BMP5: variants seen among roughly 807,000 people sequenced by gnomAD.
The protein encoded by BMP5 is bone morphogenetic protein 5.
Under a neutral mutation model 46.6 loss-of-function variants are expected in BMP5, and 23 were observed. The observed-to-expected ratio is 0.49, with a 90% CI of 0.35 to 0.70. The LOEUF is 0.70. Ranked by LOEUF, BMP5 falls within the 30% of genes least tolerant of loss-of-function variation. The pLI is 0.00. For synonymous variants in BMP5, 204 were observed against 191.9 expected (o/e 1.06, Z -0.52); for missense variants, 545 against 565.6 (o/e 0.96, Z 0.37).
chr6:55,794,656 A>T (rs989092692), intron 2 of BMP5, among the ~76,000 whole-genome samples: 1 of 152,144 alleles, frequency 6.6e-6, no homozygotes, highest in African/African-American at 2.4e-5. Flanking sequence ...AGTAATTTCC[A>T]TTTTCCTGCT....
At position 55,759,098 on chromosome 6, in the gene BMP5, T is replaced by G; in HGVS notation, c.1122A>C (p.Pro374=). Residue 374 remains proline (P), a synonymous_variant, in exon 6 of 7, where the codon CCA becomes CCC. Coordinates refer to ENST00000370830, the MANE Select transcript of BMP5 (RefSeq NM_021073.4). ...CACAATAAAATGCAGCGTATCCTTC[T>G]GGTGCTATAATCCAGTCCTGACACA... ...DLGWQDWIIA[P]EGYAAFYCDG... 3.3e-6 allele frequency: 5 copies of G among 1,495,494 alleles called. No individual in the cohort carries two copies. The highest frequency in any genetic ancestry group is 4.5e-6 in the Non-Finnish European group (5 of 1,117,296). 92.6% of individuals were successfully genotyped at this position (1,495,494 alleles called of 1,614,324 possible). A position where few individuals can be genotyped will look rare whatever the true frequency, so the allele number is the denominator to read the frequency against.
At chr6:55,860,699 G>A (rs1777510729) in intron 1 of BMP5, among the ~76,000 whole-genome samples, 1 of 152,284 alleles carries the variant, frequency 6.6e-6, no homozygotes, top group Non-Finnish European at 1.5e-5. Flanking sequence ...GCAGAGATTA[G>A]TTTTCAGTGT....
intron 1 of BMP5, among the ~76,000 whole-genome samples, chr6:55,832,426 A>G (rs982474586): frequency 6.6e-6 from 1 of 152,004 alleles, no homozygotes; most frequent in Admixed American, 6.6e-5. Flanking sequence ...GTCTTTAAAA[A>G]CTGTTAGGCA....
chr6:55,758,099 A>C (rs184680317), intron 6 of BMP5, among the ~76,000 whole-genome samples: 48 of 152,062 alleles, frequency 3.2e-4, no homozygotes, highest in African/African-American at 1.1e-3. Context: ...ATTGTCTACT[A>C]TCTACTTTTC....
At chr6:55,780,658 A>G (rs2127523998) in intron 3 of BMP5, among the ~76,000 whole-genome samples, 1 of 152,064 alleles carries the variant, frequency 6.6e-6, no homozygotes, top group Admixed American at 6.6e-5. Context: ...GTCGTGCCCC[A>G]CAGTTTGATA....
At chr6:55,780,843 T>A (rs940307567) in intron 3 of BMP5, among the ~76,000 whole-genome samples, 1 of 152,146 alleles carries the variant, frequency 6.6e-6, no homozygotes, top group African/African-American at 2.4e-5. Context: ...GCCAGAGGTT[T>A]GTGCCCAGTT....
chr6:55,804,815 G>A (rs1426461356), intron 2 of BMP5, among the ~76,000 whole-genome samples: 1 of 152,140 alleles, frequency 6.6e-6, no homozygotes, highest in African/African-American at 2.4e-5. Context: ...GGAAATAGGT[G>A]CAAACAGTCA....
intron 1 of BMP5, among the ~76,000 whole-genome samples, chr6:55,836,576 A>G (rs182307203): frequency 4.6e-5 from 7 of 151,892 alleles, no homozygotes; most frequent in Admixed American, 4.6e-4. Context: ...TGGGCTGTAA[A>G]GATCTTAACT....
intron 1 of BMP5, among the ~76,000 whole-genome samples, chr6:55,820,377 A>C (rs921443045): frequency 2.6e-5 from 4 of 152,122 alleles, no homozygotes; most frequent in African/African-American, 7.2e-5. Flanking sequence ...TTCCCCAGAA[A>C]ATTTTTTCTC....
intron 2 of BMP5, among the ~76,000 whole-genome samples, chr6:55,810,225 A>G (rs947536533): frequency 6.6e-6 from 1 of 152,194 alleles, no homozygotes; most frequent in Non-Finnish European, 1.5e-5. Flanking sequence ...ACAATTCTAT[A>G]AATCTTACTA....
At chr6:55,829,712 CA>C (rs551334393) in intron 1 of BMP5, among the ~76,000 whole-genome samples, 2 of 150,724 alleles carry the variant, frequency 1.3e-5, no homozygotes, top group Non-Finnish European at 1.5e-5. Flanking sequence ...CATAACCATG[CA>C]AAAAAAATAA....
chr6:55,870,742 A>C (rs1427715459), intron 1 of BMP5, among the ~76,000 whole-genome samples: 2 of 152,150 alleles, frequency 1.3e-5, no homozygotes, highest in Non-Finnish European at 2.9e-5. Context: ...TCCAGTACCA[A>C]GAGAACTTAA....
intron 1 of BMP5, among the ~76,000 whole-genome samples, chr6:55,835,607 G>A (rs762599172): frequency 1.3e-5 from 2 of 152,142 alleles, no homozygotes; most frequent in Admixed American, 6.6e-5. Flanking sequence ...TGTGTTTAAT[G>A]CTAAGCTATG....
At chr6:55,826,468 A>T (rs898767651) in intron 1 of BMP5, among the ~76,000 whole-genome samples, 30 of 151,718 alleles carry the variant, frequency 2.0e-4, no homozygotes, top group African/African-American at 6.0e-4. Context: ...AAGACATTTA[A>T]TTGTTGATTG....
At position 55,868,204 on chromosome 6, in the gene BMP5, T is replaced by TCTGTTGATC. The variant is rs1315767585; in HGVS notation, c.490+6163_490+6171dup. On this transcript the variant is annotated intron_variant, in intron 1 of 6. Transcript: ENST00000370830. ...GAATAAAATCTAAATAGGATTTACA[T>TCTGTTGATC]CTGTTGATCCTGACATTTTAAAACT... Among the ~76,000 whole-genome samples, 96 of 152,338 alleles carry TCTGTTGATC rather than the reference T, an allele frequency of 6.3e-4. 1 individual carries two copies. In the Middle Eastern group the frequency reaches 0.02, roughly 32 times the overall value.
At chr6:55,843,263 A>T (rs1777007600) in intron 1 of BMP5, among the ~76,000 whole-genome samples, 1 of 152,128 alleles carries the variant, frequency 6.6e-6, no homozygotes, top group African/African-American at 2.4e-5. Context: ...CTATTTCATT[A>T]AATTGTTTCA....
rs369283226 is a variant in BMP5, at chr6:55,805,637, G to A, written c.684-11210C>T. 5.7e-4 allele frequency among the ~76,000 whole-genome samples: 86 copies of A among 152,188 alleles called. No individual in the cohort carries two copies. The South Asian group carries it at 0.016, about 28-fold the overall frequency. ...TCTGGTTCTAGATCCTTGAGGAATC[G>A]GCACATTGTCTTCCACAGTGGTTGA... On this transcript the variant is annotated intron_variant, in intron 2 of 6. Coordinates refer to ENST00000370830, the MANE Select transcript of BMP5 (RefSeq NM_021073.4).
At chr6:55,789,396 C>T (rs913029414) in intron 3 of BMP5, among the ~76,000 whole-genome samples, 7 of 151,842 alleles carry the variant, frequency 4.6e-5, no homozygotes, top group African/African-American at 1.7e-4. Context: ...ACTTGGAAGG[C>T]TTAAGCTATA....
intron 3 of BMP5, among the ~76,000 whole-genome samples, chr6:55,775,729 G>T (rs1218597590): frequency 6.6e-6 from 1 of 151,760 alleles, no homozygotes; most frequent in Non-Finnish European, 1.5e-5. Flanking sequence ...TCCCCAAAAT[G>T]GCATCAATGG....
Sources: gnomAD v4.1 joint callset for allele counts (sites outside exome capture counted in the v4.1 genomes callset) on GRCh38, gnomAD v4.1.1 for gene constraint, MANE v1.5 for transcripts, NCBI Gene and HGNC (gene_info 2026-07-23, HGNC 2026-07-21) for gene names.